TUBD1: variants seen among roughly 807,000 people sequenced by gnomAD.
TUBD1 encodes the protein tubulin delta 1, also known as tubulin delta chain.
Under a neutral mutation model 51.2 loss-of-function variants are expected in TUBD1, and 38 were observed. The ratio of observed to expected loss-of-function variants is 0.74; its 90% CI spans 0.57 to 0.97. The LOEUF (loss-of-function observed/expected upper bound fraction) is 0.97, where lower values mean the gene tolerates loss of function less well. Ranked by LOEUF, TUBD1 falls within the 50% of genes least tolerant of loss-of-function variation. TUBD1 has a pLI of 0.00. For synonymous variants in TUBD1, 169 were observed against 178.2 expected, an observed-to-expected ratio of 0.95 and a Z score of 0.41; for missense variants, 489 against 538.4, an observed-to-expected ratio of 0.91 and a Z score of 0.91.
At chr17:59,880,647 T>G (rs1441856250) in intron 4 of TUBD1, among the ~76,000 whole-genome samples, 1 of 151,918 alleles carries the variant, frequency 6.6e-6, no homozygotes, top group African/African-American at 2.4e-5. Context: ...CCCGAGTAGC[T>G]GGGACTAGAG....
At chr17:59,863,586 C>G (rs935920250) in intron 8 of TUBD1, 78 bp downstream of exon 8, 1 of 1,257,244 alleles carries the variant, frequency 8.0e-7, no homozygotes, top group Non-Finnish European at 1.0e-6. Context: ...CACTGCACTC[C>G]AGCCTGGGCA....
intron 4 of TUBD1, 150 bp from the exon 5 acceptor site, chr17:59,878,484 G>A: frequency 5.9e-6 from 3 of 507,670 alleles, no homozygotes; most frequent in Non-Finnish European, 1.0e-5. Context: ...TCTATGCTCA[G>A]TTTCCTTTTT....
At chr17:59,863,616 CA>C (rs377342839) in intron 8 of TUBD1, 47 bp downstream of exon 8, 251,957 of 1,098,604 alleles carry the variant, frequency 0.23, 903 homozygotes, top group East Asian at 0.27. Flanking sequence ...GACTCTGTCT[CA>C]AAAAAAAAAA....
intron 6 of TUBD1, among the ~76,000 whole-genome samples, chr17:59,867,184 G>A (rs939475251): frequency 6.6e-6 from 1 of 151,632 alleles, no homozygotes; most frequent in Non-Finnish European, 1.5e-5. Context: ...TTTGGACAGG[G>A]TCTCTCGCTA....
At chr17:59,869,551 G>A (rs1193194475) in intron 6 of TUBD1, among the ~76,000 whole-genome samples, 1 of 151,970 alleles carries the variant, frequency 6.6e-6, no homozygotes, top group African/African-American at 2.4e-5. Context: ...AGCAAACTGT[G>A]GTTTATTGAC....
At chr17:59,878,075 T>C in intron 5 of TUBD1, 28 bp downstream of exon 5, 1 of 1,566,028 alleles carries the variant, frequency 6.4e-7, no homozygotes, top group Non-Finnish European at 8.8e-7. Context: ...AAGGCTTTCC[T>C]ATAATTAACG....
chr17:59,871,946 C>A (rs570797535), intron 6 of TUBD1, among the ~76,000 whole-genome samples: 1 of 149,158 alleles, frequency 6.7e-6, no homozygotes, highest in Admixed American at 6.7e-5. Context: ...CAGGTGCATA[C>A]CACTATGCCC....
Position 59,860,330 on chromosome 17 carries a change from T to A in TUBD1, c.1354A>T (p.Asn452Tyr). Residue 452 changes from asparagine to tyrosine, a missense_variant, in exon 9 of 9, where the codon AAT becomes TAT. Physicochemically the swap from Asn to Tyr is moderately radical, Grantham distance 143. Transcript: ENST00000325752. ...SLEQVVASYC[N>Y]L is the part of the protein sequence containing the mutation. ...TTTCCCATTGTTCAAGATCAGAGAT[T>A]ACAGTAACTGGCAACAACCTGCTCT... 1 of 1,605,296 alleles carries A rather than the reference T, an allele frequency of 6.2e-7. No individual in the cohort carries two copies. The highest frequency in any genetic ancestry group is 8.5e-7 in the Non-Finnish European group (1 of 1,174,970).
At chr17:59,877,503 C>T (rs1298650094) in intron 5 of TUBD1, among the ~76,000 whole-genome samples, 1 of 152,162 alleles carries the variant, frequency 6.6e-6, no homozygotes, top group African/African-American at 2.4e-5. Context: ...AGGCTAGGGC[C>T]GGGTGCGGTG....
In TUBD1 at chr17:59,891,042, C is replaced by T; in HGVS notation, c.-39-1G>A. On this transcript the variant is annotated splice_acceptor_variant, in intron 1 of 8. Transcript: ENST00000325752. LOFTEE classifies it low-confidence loss of function (5UTR_SPLICE). ...TAGGTGTATTACCTCTAAAAACAAC[C>T]TGTAATCGAAAAAAATACGCTTTGA... The T allele has an allele frequency of 6.5e-7, 1 of 1,532,780 alleles. No homozygotes were observed. Among genetic ancestry groups the T allele is most frequent in the Non-Finnish European group, 8.8e-7 (1 of 1,132,540 alleles). The allele number at this position is 1,532,780 out of a possible 1,614,324, so 94.9% of individuals were successfully genotyped here.
chr17:59,865,436 C>T (rs561677496), intron 7 of TUBD1, among the ~76,000 whole-genome samples: 2 of 152,088 alleles, frequency 1.3e-5, no homozygotes, highest in South Asian at 4.1e-4. Flanking sequence ...AAAAATCAAC[C>T]GGGCATGGTG....
chr17:59,874,659 G>C lies in TUBD1; in HGVS notation c.814C>G (p.Leu272Val). Residue 272 changes from leucine to valine, a missense_variant, in exon 6 of 9, where the codon CTG (leucine) becomes GTG (valine). By Grantham distance (32) the Leu-to-Val change is conservative. Coordinates refer to ENST00000325752, the MANE Select transcript of TUBD1 (RefSeq NM_016261.4). The part of the protein sequence containing the change: ...HLVPHPEFKM[L>V]SVRNIPHMSE... ...ATGTGAGGAATGTTACGAACACTCA[G>C]CATCTTGAATTCAGGATGGGGAACT... 6.2e-7 allele frequency: 1 copy of C among 1,613,138 alleles called. No homozygotes were observed. The highest frequency in any genetic ancestry group is 8.5e-7 in the Non-Finnish European group (1 of 1,179,778).
intron 7 of TUBD1, among the ~76,000 whole-genome samples, chr17:59,865,930 G>C (rs2039677572): frequency 6.6e-6 from 1 of 151,888 alleles, no homozygotes; most frequent in South Asian, 2.1e-4. Flanking sequence ...GGCCAACATG[G>C]AGAAACCCCG....
intron 3 of TUBD1, 83 bp from the exon 4 acceptor site, chr17:59,881,193 G>C: frequency 1.6e-6 from 2 of 1,225,326 alleles, no homozygotes; most frequent in South Asian, 1.3e-5. Context: ...ATACAGGATA[G>C]AGAGGTTTTT....
At chr17:59,862,424 A>C (rs1003336733) in intron 8 of TUBD1, among the ~76,000 whole-genome samples, 1 of 152,190 alleles carries the variant, frequency 6.6e-6, no homozygotes, top group African/African-American at 2.4e-5. Context: ...AATCTGCTAA[A>C]ACATGTTAGT....
intron 3 of TUBD1, chr17:59,885,294 G>C: frequency 1.7e-6 from 1 of 604,332 alleles, no homozygotes; most frequent in Non-Finnish European, 3.2e-6. Flanking sequence ...AGCTGGACCT[G>C]AGATTGAACT....
chr17:59,888,668 T>A (rs1211009930), intron 2 of TUBD1, among the ~76,000 whole-genome samples: 1 of 151,756 alleles, frequency 6.6e-6, no homozygotes, highest in Non-Finnish European at 1.5e-5. Context: ...ATGCAACAAC[T>A]GGAGAAGAAA....
intron 2 of TUBD1, among the ~76,000 whole-genome samples, chr17:59,889,895 G>A (rs1289694414): frequency 4.0e-5 from 6 of 150,796 alleles, no homozygotes; most frequent in East Asian, 2.0e-4. Context: ...GCTTGAACAC[G>A]GGAGGTGGAG....
intron 2 of TUBD1, among the ~76,000 whole-genome samples, chr17:59,887,843 G>A (rs2040802424): frequency 6.6e-6 from 1 of 151,502 alleles, no homozygotes; most frequent in South Asian, 2.1e-4. Context: ...TATTGCCCAG[G>A]CTGGTCTTGA....
Sources: gnomAD v4.1 joint callset for allele counts (sites outside exome capture counted in the v4.1 genomes callset) on GRCh38, gnomAD v4.1.1 for gene constraint, MANE v1.5 for transcripts, NCBI Gene and HGNC (gene_info 2026-07-23, HGNC 2026-07-21) for gene names.